The following ZC2HC1B variants were observed in gnomAD, a reference collection of about 807,000 sequenced individuals.
The protein encoded by ZC2HC1B is zinc finger C2HC-type containing 1B.
A neutral mutation model predicts 31.0 loss-of-function variants in ZC2HC1B; 36 were observed. That is an observed-to-expected ratio of 1.16 (90% confidence interval 0.89 to 1.54). The LOEUF is 1.54. Ranked by LOEUF, ZC2HC1B falls within the 40% of genes most tolerant of loss-of-function variation. The probability of loss-of-function intolerance (pLI) is 0.00; values close to 1 mark genes in which losing one functional copy is unlikely to be tolerated. For synonymous variants in ZC2HC1B, 73 were observed against 88.0 expected (o/e 0.83, Z 0.95); for missense variants, 260 against 268.6 (o/e 0.97, Z 0.22).
intron 6 of ZC2HC1B, among the ~76,000 whole-genome samples, chr6:143,912,733 A>C (rs1777874866): frequency 6.6e-6 from 1 of 152,228 alleles, no homozygotes; most frequent in Non-Finnish European, 1.5e-5. Context: ...TCAGGAACCC[A>C]CTTAAAGAAG....
chr6:143,937,673 G>A lies in ZC2HC1B; in HGVS notation c.623G>A (p.Gly208Glu), dbSNP rs368638102. 63 of 1,550,926 alleles carry A rather than the reference G, an allele frequency of 4.1e-5. No individual in the cohort carries two copies. Among genetic ancestry groups the A allele is most frequent in the African/African-American group, 3.3e-4 (24 of 73,054 alleles). ...GGATTAGCTATGGACCCTGCTTCTGGAGCAAAACTCAGACAAGGATTTAGT... is the reference window on the plus strand; with the variant it reads ...GGATTAGCTATGGACCCTGCTTCTGAAGCAAAACTCAGACAAGGATTTAGT... ...KSGLAMDPAS[G>E]AKLRQGFSKS... The change falls in exon 7 of 8, where the codon GGA becomes GAA. Residue 208 changes from glycine (G) to glutamate (E), a missense_variant. Transcript: ENST00000237275.
Position 143,918,119 on chromosome 6 carries a change from A to G in ZC2HC1B, c.598+14967A>G, listed in dbSNP as rs939941576. Among the ~76,000 whole-genome samples the G allele has an allele frequency of 6.6e-6, 1 of 152,160 alleles. No individual in the cohort carries two copies. Among genetic ancestry groups the G allele is most frequent in the Non-Finnish European group, 1.5e-5 (1 of 68,020 alleles). ...TTTCTTGCAGGGCAGGTCTCATGAT[A>G]ATGAACTTCCTCAGCTTTTGTTTAT... On this transcript the variant is annotated intron_variant, in intron 6 of 7. Transcript: ENST00000237275. This position sits in a 1 kb window ranked among gnomAD's most constrained non-coding sequence, Gnocchi z 4.1.
intron 6 of ZC2HC1B, among the ~76,000 whole-genome samples, chr6:143,920,268 G>C (rs1777972117): frequency 6.6e-6 from 1 of 152,080 alleles, no homozygotes. Context: ...CAACACGAGG[G>C]TCTAGAACCA....
Position 143,903,044 on chromosome 6 carries a change from G to A in ZC2HC1B, c.490G>A (p.Gly164Ser), listed in dbSNP as rs1777754682. Residue 164 changes from glycine to serine, a missense_variant and splice_region_variant, in exon 6 of 8, where the codon GGT becomes AGT. Gly to Ser is a moderately conservative substitution (Grantham distance 56). Transcript: ENST00000237275. The surrounding 1 kb of genome is among the most constrained non-coding windows in gnomAD (Gnocchi z 4.3). ...TAAKLASRAQ[G>S]RAQMGPKKEP... ...TGTCTCTTTCTTTCTCTCTCTGTAG[G>A]GTAGGGCTCAGATGGGTCCAAAAAA... The A allele has an allele frequency of 6.4e-7, 1 of 1,551,504 alleles. No homozygotes were observed. The highest frequency in any genetic ancestry group is 1.4e-5 in the African/African-American group (1 of 73,018).
intron 1 of ZC2HC1B, 98 bp downstream of exon 1, chr6:143,864,665 C>G: frequency 7.7e-7 from 1 of 1,294,504 alleles, no homozygotes; most frequent in East Asian, 2.5e-5. Flanking sequence ...GCTTGTTCTA[C>G]CATGTGTGAT....
intron 6 of ZC2HC1B, among the ~76,000 whole-genome samples, chr6:143,928,887 T>C (rs1172450482): frequency 3.3e-5 from 5 of 151,918 alleles, no homozygotes; most frequent in African/African-American, 9.7e-5. Flanking sequence ...ATTTGGTTCT[T>C]AGCATGATTA....
Position 143,885,984 on chromosome 6 carries a change from A to G in ZC2HC1B, c.91-48A>G. 2 of 1,471,070 alleles carry G rather than the reference A, an allele frequency of 1.4e-6. No homozygotes were observed. The highest frequency in any genetic ancestry group is 1.8e-6 in the Non-Finnish European group (2 of 1,112,202). 91.1% of individuals were successfully genotyped at this position (1,471,070 alleles called of 1,614,324 possible). ...GTCTAGGTACACCTAGGCATTAAAA[A>G]CTGATTGTGCACTTTAGAAATTCCA... On this transcript the variant is annotated intron_variant, in intron 2 of 7. Coordinates refer to ENST00000237275, the MANE Select transcript of ZC2HC1B (RefSeq NM_001013623.3). This position sits in a 1 kb window ranked among gnomAD's most constrained non-coding sequence, Gnocchi z 4.2.
intron 1 of ZC2HC1B, among the ~76,000 whole-genome samples, chr6:143,873,739 G>T (rs1777373642): frequency 6.6e-6 from 1 of 152,250 alleles, no homozygotes; most frequent in Non-Finnish European, 1.5e-5. Context: ...AGCTGAAGTG[G>T]CTGGGACACA....
At chr6:143,882,349 T>TAC (rs1477090452) in intron 1 of ZC2HC1B, among the ~76,000 whole-genome samples, 105 of 136,422 alleles carry the variant, frequency 7.7e-4, no homozygotes, top group Non-Finnish European at 1.1e-3. Context: ...TATATATATA[T>TAC]ATATATATAT....
rs557073880 is a variant in ZC2HC1B, at chr6:143,903,971, G to A, written c.598+819G>A. ...TAAATCTGCAGATGTGGAACCCATG[G>A]GAACAGAGGCTGACTGTAATTTCTT... On this transcript the variant is annotated intron_variant, in intron 6 of 7. Coordinates refer to ENST00000237275, the MANE Select transcript of ZC2HC1B (RefSeq NM_001013623.3). The surrounding 1 kb of genome is among the most constrained non-coding windows in gnomAD (Gnocchi z 4.3). 6.6e-6 allele frequency among the ~76,000 whole-genome samples: 1 copy of A among 152,238 alleles called. No individual in the cohort carries two copies. Among genetic ancestry groups the A allele is most frequent in the South Asian group, 2.1e-4 (1 of 4,820 alleles).
intron 4 of ZC2HC1B, among the ~76,000 whole-genome samples, chr6:143,891,130 C>CAAAAA (rs537109022): frequency 1.3e-5 from 1 of 77,818 alleles, no homozygotes; most frequent in Non-Finnish European, 3.0e-5. Flanking sequence ...GACTCCATCT[C>CAAAAA]AAAAAAAAAA....
intron 6 of ZC2HC1B, among the ~76,000 whole-genome samples, 167 bp from the exon 7 acceptor site, chr6:143,937,482 G>A (rs1884087): frequency 0.65 from 97,955 of 151,226 alleles, 32,276 homozygotes; most frequent in South Asian, 0.79. Context: ...TTATTTGTCT[G>A]TAGCTACCCC....
At chr6:143,875,096 G>C (rs1777389716) in intron 1 of ZC2HC1B, among the ~76,000 whole-genome samples, 1 of 152,148 alleles carries the variant, frequency 6.6e-6, no homozygotes, top group Admixed American at 6.5e-5. Context: ...GCTTTCCAGA[G>C]TGTTCAGATT....
At chr6:143,930,668 C>T (rs1004798387) in intron 6 of ZC2HC1B, among the ~76,000 whole-genome samples, 47 of 151,988 alleles carry the variant, frequency 3.1e-4, no homozygotes, top group Admixed American at 1.3e-3. Flanking sequence ...TGAGCCACCG[C>T]GCCCAGCCAG....
At chr6:143,882,541 A>C (rs935563319) in intron 1 of ZC2HC1B, among the ~76,000 whole-genome samples, 1 of 151,508 alleles carries the variant, frequency 6.6e-6, no homozygotes, top group Non-Finnish European at 1.5e-5. Flanking sequence ...CCTGTTAACT[A>C]GGGCTTCCTT....
In ZC2HC1B at chr6:143,934,836, G is replaced by C. The variant is rs910980415; in HGVS notation, c.599-2813G>C. The stretch of plus-strand genomic sequence containing the variant: ...TCTTCAGGCCTCAGTGGTGGCAGCA[G>C]TAGACTGAGCCTGCCTGTCCTTGGG... On this transcript the variant is annotated intron_variant, in intron 6 of 7. Transcript: ENST00000237275. The surrounding 1 kb of genome is among the most constrained non-coding windows in gnomAD (Gnocchi z 4.6). 6.6e-6 allele frequency among the ~76,000 whole-genome samples: 1 copy of C among 152,300 alleles called. No homozygotes were observed. The highest frequency in any genetic ancestry group is 2.1e-4 in the South Asian group (1 of 4,830).
intron 6 of ZC2HC1B, among the ~76,000 whole-genome samples, 162 bp from the exon 7 acceptor site, chr6:143,937,487 T>C (rs1280219292): frequency 6.6e-6 from 1 of 151,304 alleles, no homozygotes; most frequent in Admixed American, 6.6e-5. Context: ...TGTCTGTAGC[T>C]ACCCCACCCT....
rs775778541 is a variant in ZC2HC1B at position 143,884,355 on chromosome 6, C to T, written c.80C>T (p.Ala27Val). ...GAAGTCTGTGGAAGACGTTTTGCAG[C>T]AGATGTTCTGGTAAACATAAAGACA... ...PCEVCGRRFAADVLERHGPIC... is the reference protein window; with the variant it reads ...PCEVCGRRFAVDVLERHGPIC... Residue 27 changes from alanine (A) to valine (V), a missense_variant, in exon 2 of 8, where the codon GCA becomes GTA. Ala to Val is a moderately conservative substitution (Grantham distance 64). Coordinates refer to ENST00000237275, the MANE Select transcript of ZC2HC1B (RefSeq NM_001013623.3). This position sits in a 1 kb window ranked among gnomAD's most constrained non-coding sequence, Gnocchi z 5.1. 13 of 1,537,932 alleles carry T rather than the reference C, an allele frequency of 8.5e-6. No homozygotes were observed. The highest frequency in any genetic ancestry group is 1.1e-5 in the Non-Finnish European group (13 of 1,136,830).
At position 143,917,071 on chromosome 6, in the gene ZC2HC1B, C is replaced by T. The variant is rs1016632961; in HGVS notation, c.598+13919C>T. ...AATTCCCATGTGTTTTTGGAGGGACCCAGTGGGAGGTAACTGAATCATGGG... is the reference window on the plus strand; with the variant it reads ...AATTCCCATGTGTTTTTGGAGGGACTCAGTGGGAGGTAACTGAATCATGGG... On this transcript the variant is annotated intron_variant, in intron 6 of 7. Transcript: ENST00000237275. The surrounding 1 kb of genome is among the most constrained non-coding windows in gnomAD (Gnocchi z 4.1). 6.6e-6 allele frequency among the ~76,000 whole-genome samples: 1 copy of T among 152,114 alleles called. No homozygotes were observed. The highest frequency in any genetic ancestry group is 2.4e-5 in the African/African-American group (1 of 41,424).
Sources: gnomAD v4.1 joint callset for allele counts (sites outside exome capture counted in the v4.1 genomes callset) on GRCh38, gnomAD v4.1.1 for gene constraint, Gnocchi (gnomAD v3.1) non-coding constraint, MANE v1.5 for transcripts, NCBI Gene and HGNC (gene_info 2026-07-23, HGNC 2026-07-21) for gene names.